The following OAT variants were observed in gnomAD, a reference collection of about 807,000 sequenced individuals.
OAT encodes the protein ornithine aminotransferase, also known as ornithine aminotransferase, mitochondrial.
Under a neutral mutation model 48.4 loss-of-function variants are expected in OAT, and 35 were observed. The observed-to-expected ratio is 0.72, with a 90% CI of 0.55 to 0.96. The LOEUF (loss-of-function observed/expected upper bound fraction) is 0.96, where lower values mean the gene tolerates loss of function less well. OAT is among the 40% of genes least tolerant of loss of function. OAT has a pLI of 0.00. For synonymous variants in OAT, 182 were observed against 198.4 expected, an observed-to-expected ratio of 0.92 and a Z score of 0.70; for missense variants, 438 against 537.9, an observed-to-expected ratio of 0.81 and a Z score of 1.84.
At chr10:124,412,637 GA>G (rs890683767) in intron 1 of OAT, among the ~76,000 whole-genome samples, 8 of 150,404 alleles carry the variant, frequency 5.3e-5, no homozygotes, top group African/African-American at 1.7e-4. Context: ...CTCTATAAAA[GA>G]AAAAAAAAGA....
intron 1 of OAT, among the ~76,000 whole-genome samples, chr10:124,417,518 C>A (rs760365184): frequency 9.2e-5 from 14 of 152,098 alleles, no homozygotes; most frequent in Non-Finnish European, 1.9e-4. Flanking sequence ...CTCCTGGCCT[C>A]AGGTGATCCG....
intron 1 of OAT, among the ~76,000 whole-genome samples, chr10:124,413,591 G>A (rs1228637061): frequency 6.6e-6 from 1 of 152,190 alleles, no homozygotes; most frequent in East Asian, 1.9e-4. Context: ...GCTAAGGCAG[G>A]AGAATCGCTT....
At chr10:124,407,008 T>C (rs562131538) in intron 4 of OAT, 9 of 985,392 alleles carry the variant, frequency 9.1e-6, no homozygotes, top group Admixed American at 1.2e-4. Flanking sequence ...TGTGACATCA[T>C]GTTTTTATCT....
At chr10:124,414,908 T>C (rs1031090409) in intron 1 of OAT, 1 of 151,162 alleles carries the variant, frequency 6.6e-6, no homozygotes, top group Non-Finnish European at 1.5e-5. Flanking sequence ...GGAGACCCCA[T>C]CTCTATAAAA....
chr10:124,408,521 T>C, intron 4 of OAT, 21 bp downstream of exon 4: 1 of 1,565,950 alleles, frequency 6.4e-7, no homozygotes, highest in Non-Finnish European at 8.8e-7. Context: ...ATCATAGAAG[T>C]TAATATTTAA....
intron 9 of OAT, among the ~76,000 whole-genome samples, chr10:124,398,717 C>T (rs1175086865): frequency 6.7e-6 from 1 of 149,170 alleles, no homozygotes; most frequent in African/African-American, 2.5e-5. Context: ...GGAACTAATG[C>T]AAAAGAACTT....
In OAT at chr10:124,402,981, A is replaced by T. The variant is rs751657722; in HGVS notation, c.846T>A (p.Asn282Lys). The T allele has an allele frequency of 6.2e-7, 1 of 1,614,022 alleles. No homozygotes were observed. The highest frequency in any genetic ancestry group is 2.2e-5 in the East Asian group (1 of 44,892). ...TGRWLAVDYE[N>K]VRPDIVLLGK... Reference sequence around the variant, plus strand: ...CAAGGAGGACTATATCAGGTCTGACATTTTCATAATCAACAGCCAGCCATC... The same window carrying T: ...CAAGGAGGACTATATCAGGTCTGACTTTTTCATAATCAACAGCCAGCCATC... Residue 282 changes from asparagine to lysine, a missense_variant, in exon 7 of 10, where the codon AAT becomes AAA. Asn to Lys is a moderately conservative substitution (Grantham distance 94, BLOSUM62 0). Coordinates refer to ENST00000368845, the MANE Select transcript of OAT (RefSeq NM_000274.4).
intron 7 of OAT, among the ~76,000 whole-genome samples, chr10:124,402,215 A>G (rs899037136): frequency 6.6e-6 from 1 of 152,164 alleles, no homozygotes; most frequent in African/African-American, 2.4e-5. Flanking sequence ...ACTGATACTT[A>G]ATGACTTCAA....
chr10:124,405,401 C>T (rs1288902159), intron 5 of OAT, 35 bp downstream of exon 5: 1 of 1,611,692 alleles, frequency 6.2e-7, no homozygotes, highest in African/African-American at 1.3e-5. Context: ...ATTTCTATTC[C>T]CAATGAGCTG....
chr10:124,399,896 A>AT (rs764766779), intron 9 of OAT, among the ~76,000 whole-genome samples: 2 of 152,192 alleles, frequency 1.3e-5, no homozygotes, highest in Non-Finnish European at 2.9e-5. Context: ...GGAGGGAAGG[A>AT]TAGCAAAGAG....
chr10:124,403,219 A>C, intron 6 of OAT, 164 bp from the exon 7 acceptor site: 1 of 755,028 alleles, frequency 1.3e-6, no homozygotes, highest in Admixed American at 2.3e-5. Context: ...AGAGTATCCT[A>C]TAAGAATCTT....
chr10:124,406,733 T>C (rs1195041429), intron 4 of OAT, among the ~76,000 whole-genome samples: 1 of 150,316 alleles, frequency 6.7e-6, no homozygotes, highest in Admixed American at 6.7e-5. Flanking sequence ...GGAGAATCAC[T>C]TGAACCCTGG....
intron 4 of OAT, chr10:124,406,827 G>T: frequency 2.9e-6 from 1 of 349,240 alleles, no homozygotes; most frequent in Non-Finnish European, 4.0e-6. Flanking sequence ...AAAAAGTTGG[G>T]AAATAGATCA....
chr10:124,418,868 G>C lies in OAT; in HGVS notation c.-30+5C>G, dbSNP rs1443267481. 2.6e-5 allele frequency: 4 copies of C among 151,992 alleles called. No homozygotes were observed. Among genetic ancestry groups the C allele is most frequent in the East Asian group, 1.9e-4 (1 of 5,144 alleles). The allele number at this position is 151,992 out of a possible 1,614,324, so 9.4% of individuals were successfully genotyped here. ...AGCCCCAGGACAGCGGCGCCCAGAC[G>C]GTACCTGACAGCGCCTGAGGACAAC... On this transcript the variant is annotated splice_donor_5th_base_variant and intron_variant, in intron 1 of 9. Transcript: ENST00000368845.
At chr10:124,408,350 T>A (rs1177388073) in intron 4 of OAT, among the ~76,000 whole-genome samples, 192 bp downstream of exon 4, 1 of 140,916 alleles carries the variant, frequency 7.1e-6, no homozygotes, top group African/African-American at 2.6e-5. Flanking sequence ...TATATTTTTT[T>A]TTTTTTTTTT....
intron 4 of OAT, chr10:124,406,139 AT>A: frequency 5.1e-6 from 5 of 983,836 alleles, no homozygotes; most frequent in Non-Finnish European, 6.0e-6. Context: ...CTGCTGGAAT[AT>A]TTTTTATCCA....
chr10:124,409,785 A>G (rs1399930), intron 2 of OAT, among the ~76,000 whole-genome samples: 56,677 of 152,042 alleles, frequency 0.37, 10,834 homozygotes, highest in African/African-American at 0.46. Flanking sequence ...TCTTCAAAGA[A>G]GATATACAAA....
chr10:124,398,183 C>T, intron 9 of OAT, 81 bp from the exon 10 acceptor site: 1 of 1,486,572 alleles, frequency 6.7e-7, no homozygotes, highest in Non-Finnish European at 9.3e-7. Context: ...AAAGTGCAGC[C>T]TGGCAAAACA....
At chr10:124,407,315 T>C (rs1303550327) in intron 4 of OAT, 2 of 984,744 alleles carry the variant, frequency 2.0e-6, no homozygotes, top group African/African-American at 3.5e-5. Flanking sequence ...TTAGGGACAG[T>C]CTTCCTCTGT....
Sources: allele counts gnomAD v4.1 joint callset (sites outside exome capture counted in the v4.1 genomes callset), GRCh38; gene constraint gnomAD v4.1.1; transcripts MANE v1.5; gene names NCBI Gene and HGNC (gene_info 2026-07-23, HGNC 2026-07-21).